The following WDR7 variants were observed in gnomAD, a reference collection of about 807,000 sequenced individuals.
The protein encoded by WDR7 is WD repeat domain 7, also known as WD repeat-containing protein 7.
Under a neutral mutation model 169.4 loss-of-function variants are expected in WDR7, and 46 were observed. The observed-to-expected ratio is 0.27, with a 90% CI of 0.21 to 0.35. The LOEUF (loss-of-function observed/expected upper bound fraction) is 0.35. Ranked by LOEUF, WDR7 falls within the 10% of genes least tolerant of loss-of-function variation. The pLI is 1.00. For missense variants in WDR7, 1,534 were observed against 1,859.3 expected (o/e 0.83, Z 3.22); for synonymous variants, 612 against 666.8 (o/e 0.92, Z 1.27).
At chr18:56,687,740 C>T (rs1369945270) in intron 7 of WDR7, among the ~76,000 whole-genome samples, 1 of 152,156 alleles carries the variant, frequency 6.6e-6, no homozygotes, top group African/African-American at 2.4e-5. Context: ...GATCCTCCCA[C>T]CTCAGCCTCC....
intron 14 of WDR7, among the ~76,000 whole-genome samples, chr18:56,749,882 G>A (rs1361823089): frequency 1.3e-5 from 2 of 151,406 alleles, no homozygotes; most frequent in African/African-American, 4.8e-5. Context: ...TTTAACCCTA[G>A]AATATATTAA....
At chr18:57,017,076 C>T (rs2048216014) in intron 26 of WDR7, among the ~76,000 whole-genome samples, 1 of 152,264 alleles carries the variant, frequency 6.6e-6, no homozygotes, top group African/African-American at 2.4e-5. Context: ...CTTACAAGTT[C>T]TGTGCGATCC....
chr18:56,839,836 T>C (rs912830958), intron 20 of WDR7, among the ~76,000 whole-genome samples: 3 of 152,012 alleles, frequency 2.0e-5, no homozygotes, highest in African/African-American at 7.3e-5. Context: ...GCTGAGGCAG[T>C]CAGGTCACGC....
At chr18:56,695,580 C>T (rs532852850) in intron 11 of WDR7, among the ~76,000 whole-genome samples, 1 of 149,464 alleles carries the variant, frequency 6.7e-6, no homozygotes, top group Admixed American at 6.7e-5. Flanking sequence ...CTGTGTTGCT[C>T]AGACTAGAGT....
intron 20 of WDR7, among the ~76,000 whole-genome samples, chr18:56,848,688 G>A (rs1489891469): frequency 6.6e-6 from 1 of 152,060 alleles, no homozygotes; most frequent in Admixed American, 6.5e-5. Context: ...TTCTGGCTCT[G>A]AGTTCATGTG....
chr18:56,938,713 A>T (rs530943848), intron 24 of WDR7, 31 bp downstream of exon 24: 2 of 1,610,330 alleles, frequency 1.2e-6, no homozygotes, highest in Non-Finnish European at 1.7e-6. Flanking sequence ...ATGATCCATC[A>T]GCAACCTAAA....
intron 25 of WDR7, among the ~76,000 whole-genome samples, chr18:56,955,743 C>T (rs2047242090): frequency 6.6e-6 from 1 of 152,126 alleles, no homozygotes; most frequent in Non-Finnish European, 1.5e-5. Flanking sequence ...GTGTCAGGCA[C>T]TGTTTTAGGT....
intron 12 of WDR7, among the ~76,000 whole-genome samples, chr18:56,714,251 C>T (rs1028902093): frequency 6.6e-6 from 1 of 151,878 alleles, no homozygotes; most frequent in Admixed American, 6.6e-5. Flanking sequence ...AGCACAGAAC[C>T]ATCTTTTCTT....
chr18:56,797,623 T>A (rs76003832), intron 19 of WDR7, among the ~76,000 whole-genome samples: 4,200 of 152,216 alleles, frequency 0.028, 79 homozygotes, highest in Non-Finnish European at 0.042. Flanking sequence ...GATATTCTGA[T>A]TTCAATTCTT....
At chr18:56,858,059 C>T (rs921433004) in intron 20 of WDR7, among the ~76,000 whole-genome samples, 1 of 152,168 alleles carries the variant, frequency 6.6e-6, no homozygotes, top group Non-Finnish European at 1.5e-5. Flanking sequence ...CTCCAGATCT[C>T]ATCTCTCTGC....
At chr18:57,005,142 T>C (rs1275315462) in intron 26 of WDR7, among the ~76,000 whole-genome samples, 1 of 152,206 alleles carries the variant, frequency 6.6e-6, no homozygotes, top group East Asian at 1.9e-4. Context: ...CTAATCTCAA[T>C]TGACTGTTAA....
intron 17 of WDR7, among the ~76,000 whole-genome samples, chr18:56,778,989 A>G (rs2044279397): frequency 6.6e-6 from 1 of 152,228 alleles, no homozygotes; most frequent in Non-Finnish European, 1.5e-5. Context: ...CAGTGGTAAC[A>G]CACAGATGGC....
At chr18:56,842,879 C>A (rs559095279) in intron 20 of WDR7, among the ~76,000 whole-genome samples, 1 of 152,272 alleles carries the variant, frequency 6.6e-6, no homozygotes, top group South Asian at 2.1e-4. Flanking sequence ...ACATTGCAGA[C>A]CAAAACAGTG....
At position 56,756,713 on chromosome 18, in the gene WDR7, C is replaced by G; in HGVS notation, c.2120C>G (p.Ala707Gly). Residue 707 changes from alanine to glycine, a missense_variant, in exon 15 of 28, where the codon GCC becomes GGC. By Grantham distance (60) the Ala-to-Gly change is moderately conservative. Coordinates refer to ENST00000254442, the MANE Select transcript of WDR7 (RefSeq NM_015285.3). ...ALIIQLLTEE[A>G]SRPNTALISP... is the part of the protein sequence containing the mutation. ...ATTATTCAACTCCTGACTGAAGAAG[C>G]CTCTAGGCCGAATACTGCTCTTATT... 9 of 1,614,156 alleles carry G rather than the reference C, an allele frequency of 5.6e-6. No individual in the cohort carries two copies. Among genetic ancestry groups the G allele is most frequent in the Non-Finnish European group, 7.6e-6 (9 of 1,180,020 alleles).
At chr18:56,930,565 G>A (rs2046870554) in intron 22 of WDR7, among the ~76,000 whole-genome samples, 1 of 152,158 alleles carries the variant, frequency 6.6e-6, no homozygotes, top group Non-Finnish European at 1.5e-5. Flanking sequence ...TTGGGTTTAG[G>A]AACTCAATGC....
intron 12 of WDR7, among the ~76,000 whole-genome samples, chr18:56,703,078 G>A (rs551946867): frequency 7.9e-5 from 12 of 152,214 alleles, no homozygotes; most frequent in South Asian, 4.1e-4. Flanking sequence ...TTTTGGTCAC[G>A]TAATCTCCAA....
chr18:56,947,517 A>G (rs2047122354), intron 25 of WDR7, among the ~76,000 whole-genome samples: 1 of 152,258 alleles, frequency 6.6e-6, no homozygotes. Context: ...GAGGATAAAC[A>G]TCACTGAAAT....
intron 16 of WDR7, among the ~76,000 whole-genome samples, chr18:56,771,270 TTCA>T (rs1345551177): frequency 1.3e-5 from 2 of 152,232 alleles, no homozygotes; most frequent in African/African-American, 4.8e-5. Context: ...TTATATGATG[TTCA>T]TTTTCTCTGT....
chr18:57,022,340 T>C (rs2048304920), intron 27 of WDR7, among the ~76,000 whole-genome samples: 1 of 152,216 alleles, frequency 6.6e-6, no homozygotes, highest in South Asian at 2.1e-4. Context: ...TGGAGGAATA[T>C]TTATATAAAG....
Sources: gnomAD v4.1 joint callset for allele counts (sites outside exome capture counted in the v4.1 genomes callset) on GRCh38, gnomAD v4.1.1 for gene constraint, MANE v1.5 for transcripts, NCBI Gene and HGNC (gene_info 2026-07-23, HGNC 2026-07-21) for gene names.